BAIAP2L1: variants seen among roughly 807,000 people sequenced by gnomAD.
The protein encoded by BAIAP2L1 is BAR/IMD domain containing adaptor protein 2 like 1.
A neutral mutation model predicts 66.3 loss-of-function variants in BAIAP2L1; 35 were observed. The observed-to-expected ratio is 0.53, with a 90% CI of 0.40 to 0.70. The LOEUF (loss-of-function observed/expected upper bound fraction) is 0.70, where lower values mean the gene tolerates loss of function less well. Among genes scored for constraint, BAIAP2L1 ranks in the 30% least tolerant of loss-of-function variants. BAIAP2L1 has a pLI of 0.00. For synonymous variants in BAIAP2L1, 269 were observed against 248.7 expected (o/e 1.08, Z -0.77); for missense variants, 622 against 656.9 (o/e 0.95, Z 0.58).
chr7:98,343,045 C>T (rs906343840), intron 3 of BAIAP2L1, among the ~76,000 whole-genome samples: 1 of 151,500 alleles, frequency 6.6e-6, no homozygotes, highest in Non-Finnish European at 1.5e-5. Flanking sequence ...TTAGGTACAC[C>T]CACTGACAAT....
chr7:98,381,068 G>A (rs544044642), intron 1 of BAIAP2L1, among the ~76,000 whole-genome samples: 7 of 152,202 alleles, frequency 4.6e-5, no homozygotes, highest in South Asian at 2.1e-4. Flanking sequence ...CTATGGAGCC[G>A]TCCACAGCCA....
intron 3 of BAIAP2L1, among the ~76,000 whole-genome samples, chr7:98,353,508 TATAA>T (rs1237858769): frequency 3.0e-5 from 4 of 134,814 alleles, no homozygotes; most frequent in East Asian, 2.0e-4. Flanking sequence ...ATATTTATAT[TATAA>T]ATACACATAT....
At position 98,293,517 on chromosome 7, in the gene BAIAP2L1, CCT is replaced by C. The variant is rs747991082; in HGVS notation, c.*2_*3del. 1.6e-5 allele frequency: 26 copies of C among 1,612,530 alleles called. No homozygotes were observed. Among genetic ancestry groups the C allele is most frequent in the Non-Finnish European group, 2.1e-5 (25 of 1,179,188 alleles). ...GAGGCCCGGGAGAGTCCTTGGCTGT[CCT>C]CTCATCGAATGATGGGTGCCGAGCG... On this transcript the variant is annotated 3_prime_UTR_variant, in exon 14 of 14. Coordinates refer to ENST00000005260, the MANE Select transcript of BAIAP2L1 (RefSeq NM_018842.5).
chr7:98,361,685 A>C (rs1802273565), intron 2 of BAIAP2L1, among the ~76,000 whole-genome samples: 1 of 152,180 alleles, frequency 6.6e-6, no homozygotes, highest in African/African-American at 2.4e-5. Flanking sequence ...TGAGAACCTA[A>C]GTCCAACTGT....
At chr7:98,368,034 A>G (rs892745249) in intron 1 of BAIAP2L1, among the ~76,000 whole-genome samples, 1 of 152,100 alleles carries the variant, frequency 6.6e-6, no homozygotes, top group Non-Finnish European at 1.5e-5. Context: ...TTGTGCTGCC[A>G]CTTAATAATC....
At chr7:98,385,466 G>A (rs1258896191) in intron 1 of BAIAP2L1, among the ~76,000 whole-genome samples, 1 of 152,016 alleles carries the variant, frequency 6.6e-6, no homozygotes, top group Non-Finnish European at 1.5e-5. Flanking sequence ...TGTTGCCCAG[G>A]CTGGAGTGCA....
chr7:98,329,826 C>A (rs1031693730), intron 3 of BAIAP2L1, among the ~76,000 whole-genome samples: 20 of 152,154 alleles, frequency 1.3e-4, no homozygotes, highest in South Asian at 2.1e-4. Context: ...TTCTTCCCCT[C>A]CCCAGTACTT....
At chr7:98,388,338 A>G (rs1186956015) in intron 1 of BAIAP2L1, among the ~76,000 whole-genome samples, 1 of 152,246 alleles carries the variant, frequency 6.6e-6, no homozygotes, top group African/African-American at 2.4e-5. Flanking sequence ...CAGAGGGCAT[A>G]AGAGTAAGAC....
intron 1 of BAIAP2L1, among the ~76,000 whole-genome samples, chr7:98,397,440 T>A (rs1007313539): frequency 6.8e-6 from 1 of 147,756 alleles, no homozygotes; most frequent in Non-Finnish European, 1.5e-5. Flanking sequence ...TTATCCTGCC[T>A]CAGCCTCCCG....
Position 98,307,889 on chromosome 7 carries a change from G to T in BAIAP2L1, c.963C>A (p.Ser321=). ...CTGATCGCTGTAAACTGGGATCTTC[G>T]GAAGTACCTGTTGGAGGGAGTGTAG... ...SQRVNNSTGT[S]EDPSLQRSVS... Residue 321 remains serine (S), a synonymous_variant, in exon 10 of 14, where the codon TCC becomes TCA. Coordinates refer to ENST00000005260, the MANE Select transcript of BAIAP2L1 (RefSeq NM_018842.5). 6.2e-7 allele frequency: 1 copy of T among 1,614,130 alleles called. No individual in the cohort carries two copies.
chr7:98,380,789 C>A (rs1434624505), intron 1 of BAIAP2L1, among the ~76,000 whole-genome samples: 5 of 150,220 alleles, frequency 3.3e-5, no homozygotes, highest in African/African-American at 7.4e-5. Context: ...ACCGCCACTA[C>A]CACCACCACC....
rs1003865568 is a variant in BAIAP2L1 at position 98,317,324 on chromosome 7, C to T, written c.381G>A (p.Lys127=). The change falls in exon 6 of 14, where the codon AAG becomes AAA. Residue 127 remains lysine, a synonymous_variant. Transcript: ENST00000005260. ...ATLKRYQTEH[K]NKLESLEKSQ... The stretch of plus-strand genomic sequence containing the variant: ...ATTTCTCCAAAGACTCTAATTTATT[C>T]TTGTGTTCTGTTTGGTATCTTTTTA... 2 of 1,614,164 alleles carry T rather than the reference C, an allele frequency of 1.2e-6. No homozygotes were observed. The highest frequency in any genetic ancestry group is 1.7e-6 in the Non-Finnish European group (2 of 1,180,016).
At position 98,389,918 on chromosome 7, in the gene BAIAP2L1, A is replaced by ATTTTTTTTTTTTTTTTT. The variant is rs750099451; in HGVS notation, c.51+10883_51+10884insAAAAAAAAAAAAAAAAA. Among the ~76,000 whole-genome samples, 3 of 129,764 alleles carry ATTTTTTTTTTTTTTTTT rather than the reference A, an allele frequency of 2.3e-5. 1 individual carries two copies. Among genetic ancestry groups the ATTTTTTTTTTTTTTTTT allele is most frequent in the Non-Finnish European group, 5.0e-5 (3 of 60,510 alleles). The allele number at this position is 129,764 out of a possible 152,430, so 85.1% of individuals were successfully genotyped here. A position where few individuals can be genotyped will look rare whatever the true frequency, so the allele number is the denominator to read the frequency against. On this transcript the variant is annotated intron_variant, in intron 1 of 13. Coordinates refer to ENST00000005260, the MANE Select transcript of BAIAP2L1 (RefSeq NM_018842.5). ...TGCACGTGTAGTCTTGGGTTAGTAA[A>ATTTTTTTTTTTTTTTTT]TTTTTTTTTTTTTTTGAGAGGTAGT...
chr7:98,337,317 C>T (rs748687884), intron 3 of BAIAP2L1, among the ~76,000 whole-genome samples: 8 of 151,978 alleles, frequency 5.3e-5, no homozygotes, highest in African/African-American at 9.7e-5. Flanking sequence ...CTGAAACCTC[C>T]GCCTCCTGGG....
chr7:98,317,953 A>G (rs1314224476), intron 5 of BAIAP2L1, among the ~76,000 whole-genome samples: 46 of 120,756 alleles, frequency 3.8e-4, no homozygotes, highest in South Asian at 5.6e-4. Context: ...CGGGGCCCTC[A>G]CTCATTTCAC....
chr7:98,389,658 T>C, intron 1 of BAIAP2L1, among the ~76,000 whole-genome samples: 1 of 152,098 alleles, frequency 6.6e-6, no homozygotes, highest in East Asian at 1.9e-4. Context: ...TGACAGGTTA[T>C]TACCACGCTT....
chr7:98,360,221 C>G (rs1228755351), intron 2 of BAIAP2L1, among the ~76,000 whole-genome samples: 1 of 152,056 alleles, frequency 6.6e-6, no homozygotes, highest in East Asian at 1.9e-4. Flanking sequence ...CCGCGCCTGG[C>G]CTGAGCTAAT....
intron 12 of BAIAP2L1, among the ~76,000 whole-genome samples, chr7:98,300,007 C>T (rs1800356008): frequency 6.6e-6 from 1 of 152,192 alleles, no homozygotes; most frequent in Non-Finnish European, 1.5e-5. Flanking sequence ...TGCCACTGCA[C>T]TCCAGCCTGG....
chr7:98,326,021 C>T (rs1186827016), intron 3 of BAIAP2L1, among the ~76,000 whole-genome samples: 2 of 152,352 alleles, frequency 1.3e-5, no homozygotes, highest in Admixed American at 6.5e-5. Flanking sequence ...CAATGGCTCA[C>T]GTCCGTAATC....
Sources: gnomAD v4.1 joint callset for allele counts (sites outside exome capture counted in the v4.1 genomes callset) on GRCh38, gnomAD v4.1.1 for gene constraint, MANE v1.5 for transcripts, NCBI Gene and HGNC (gene_info 2026-07-23, HGNC 2026-07-21) for gene names.